The following SEMA3D variants were observed in gnomAD, a reference collection of about 807,000 sequenced individuals.
SEMA3D encodes semaphorin-3D.
A neutral mutation model predicts 100.1 loss-of-function variants in SEMA3D; 84 were observed. That is an observed-to-expected ratio of 0.84 (90% confidence interval 0.70 to 1.01). The LOEUF (loss-of-function observed/expected upper bound fraction) is 1.01. Among genes scored for constraint, SEMA3D ranks in the 50% least tolerant of loss-of-function variants. SEMA3D has a pLI of 0.00. For missense variants in SEMA3D, 875 were observed against 934.1 expected (o/e 0.94, Z 0.82); for synonymous variants, 312 against 320.7 (o/e 0.97, Z 0.29).
rs189669183 is a variant in SEMA3D at position 85,036,545 on chromosome 7, T to G, written c.1191+344A>C. 3.4e-3 allele frequency among the ~76,000 whole-genome samples: 514 copies of G among 152,266 alleles called. 1 individual carries two copies. Among genetic ancestry groups the G allele is most frequent in the Non-Finnish European group, 5.9e-3 (400 of 68,002 alleles). Reference sequence around the variant, plus strand: ...GACTCGAGCTATCTGCAGAGCTGTATGTGAGAAATAATACTTCTTTGACAT... The same window carrying G: ...GACTCGAGCTATCTGCAGAGCTGTAGGTGAGAAATAATACTTCTTTGACAT... On this transcript the variant is annotated intron_variant, in intron 12 of 18. Coordinates refer to ENST00000284136, the MANE Select transcript of SEMA3D (RefSeq NM_001384900.1).
At chr7:85,060,198 G>C (rs188249735) in intron 8 of SEMA3D, among the ~76,000 whole-genome samples, 3 of 152,196 alleles carry the variant, frequency 2.0e-5, no homozygotes. Context: ...AGGTGTTAAA[G>C]CTAAATGTTT....
intron 13 of SEMA3D, among the ~76,000 whole-genome samples, chr7:85,021,036 G>C (rs894409052): frequency 5.4e-5 from 8 of 149,360 alleles, no homozygotes; most frequent in Admixed American, 3.3e-4. Context: ...GAACAGTTTA[G>C]AAAAAGAAAA....
chr7:85,059,035 G>A (rs73377861), intron 8 of SEMA3D, among the ~76,000 whole-genome samples: 1 of 152,044 alleles, frequency 6.6e-6, no homozygotes, highest in East Asian at 1.9e-4. Context: ...CCACTGACTT[G>A]ATATTACAAC....
chr7:85,018,777 C>T (rs1409370452), intron 14 of SEMA3D, among the ~76,000 whole-genome samples: 4 of 151,730 alleles, frequency 2.6e-5, no homozygotes, highest in African/African-American at 2.4e-5. Context: ...CTACACAATA[C>T]TGGTGCACAT....
At chr7:85,116,302 G>GTATATATTTA (rs1381214671) in intron 3 of SEMA3D, among the ~76,000 whole-genome samples, 1 of 142,090 alleles carries the variant, frequency 7.0e-6, no homozygotes, top group Non-Finnish European at 1.5e-5. Flanking sequence ...ATTTATATAT[G>GTATATATTTA]TATATATTTA....
At chr7:85,016,755 T>C (rs1456836710) in intron 15 of SEMA3D, among the ~76,000 whole-genome samples, 1 of 150,730 alleles carries the variant, frequency 6.6e-6, no homozygotes, top group Admixed American at 6.7e-5. Flanking sequence ...ATCATAAATG[T>C]ATTTTTGTTT....
intron 18 of SEMA3D, among the ~76,000 whole-genome samples, chr7:85,006,157 T>C (rs1213301812): frequency 6.6e-6 from 1 of 152,016 alleles, no homozygotes; most frequent in African/African-American, 2.4e-5. Flanking sequence ...TTTTTTGAAA[T>C]TCTACATTCT....
intron 1 of SEMA3D, among the ~76,000 whole-genome samples, chr7:85,184,450 C>T (rs1437001977): frequency 1.3e-5 from 2 of 151,684 alleles, no homozygotes; most frequent in Non-Finnish European, 2.9e-5. Flanking sequence ...AACATAAAAG[C>T]CAAAATGGGA....
chr7:85,141,899 G>T (rs1187411838), intron 2 of SEMA3D: 2 of 971,140 alleles, frequency 2.1e-6, no homozygotes, highest in African/African-American at 1.8e-5. Context: ...AGTAAATTTA[G>T]ATTTCTCAGT....
At chr7:85,145,663 T>C (rs915975900) in intron 2 of SEMA3D, among the ~76,000 whole-genome samples, 9 of 152,114 alleles carry the variant, frequency 5.9e-5, no homozygotes, top group African/African-American at 2.2e-4. Context: ...AGGATCTTTA[T>C]TGCAGAGAAA....
intron 13 of SEMA3D, among the ~76,000 whole-genome samples, chr7:85,021,964 T>C (rs1790267649): frequency 6.6e-6 from 1 of 151,856 alleles, no homozygotes; most frequent in African/African-American, 2.4e-5. Context: ...TAAAGGTCTT[T>C]ACAAAGTAAT....
At chr7:85,147,988 T>TAGTA (rs2116481290) in intron 2 of SEMA3D, among the ~76,000 whole-genome samples, 1 of 152,230 alleles carries the variant, frequency 6.6e-6, no homozygotes, top group African/African-American at 2.4e-5. Context: ...ACCCACTGCC[T>TAGTA]AGTAGGTGTA....
chr7:85,100,385 C>T (rs1788710299), intron 3 of SEMA3D, among the ~76,000 whole-genome samples: 1 of 150,688 alleles, frequency 6.6e-6, no homozygotes, highest in Admixed American at 6.6e-5. Flanking sequence ...TGCACAGACT[C>T]CTATAAGTTA....
At chr7:85,242,390 A>G in the SEMA3D span, among the ~76,000 whole-genome samples, 1 of 152,130 alleles carries the variant, frequency 6.6e-6, no homozygotes, top group Non-Finnish European at 1.5e-5. Context: ...TTACTTCTAT[A>G]CATTTTTTAA....
intron 11 of SEMA3D, among the ~76,000 whole-genome samples, chr7:85,039,605 T>C (rs893143920): frequency 2.6e-5 from 4 of 152,126 alleles, no homozygotes; most frequent in South Asian, 2.1e-4. Flanking sequence ...CAATGATAAG[T>C]ACAGGAAAGC....
intron 15 of SEMA3D, among the ~76,000 whole-genome samples, chr7:85,016,172 A>G (rs1274009959): frequency 4.0e-5 from 6 of 149,714 alleles, no homozygotes; most frequent in African/African-American, 7.3e-5. Context: ...ACTAATGACT[A>G]TATGTTCCTT....
chr7:85,240,222 G>C, the SEMA3D span, among the ~76,000 whole-genome samples: 4 of 151,970 alleles, frequency 2.6e-5, no homozygotes, highest in Non-Finnish European at 5.9e-5. Flanking sequence ...TTAGATTTTT[G>C]TCAAGTGCAT....
chr7:85,180,802 C>T (rs566934127), intron 1 of SEMA3D, among the ~76,000 whole-genome samples: 1 of 152,250 alleles, frequency 6.6e-6, no homozygotes, highest in South Asian at 2.1e-4. Context: ...GTTCTCATAT[C>T]TCTTTAGGCT....
chr7:85,245,593 T>C, the SEMA3D span, among the ~76,000 whole-genome samples: 2 of 152,176 alleles, frequency 1.3e-5, no homozygotes, highest in Non-Finnish European at 2.9e-5. Context: ...AGTATACACA[T>C]GAAACTTCAA....
Sources: allele counts gnomAD v4.1 joint callset (sites outside exome capture counted in the v4.1 genomes callset), GRCh38; gene constraint gnomAD v4.1.1; transcripts MANE v1.5; gene names NCBI Gene and HGNC (gene_info 2026-07-23, HGNC 2026-07-21).